Variants in SMARCAD1 observed in about 807,000 individuals in gnomAD.
The protein encoded by SMARCAD1 is SWI/SNF-related matrix-associated actin-dependent regulator of chromatin subfamily A containing DEAD/H box 1.
SMARCAD1 carries 25 observed loss-of-function variants against 127.1 expected under a neutral mutation model. That is an observed-to-expected ratio of 0.20 (90% CI 0.14 to 0.27). SMARCAD1 has a LOEUF of 0.27. Ranked by LOEUF, SMARCAD1 falls within the 10% of genes least tolerant of loss-of-function variation. The pLI is 1.00. For synonymous variants in SMARCAD1, 400 were observed against 396.9 expected, an observed-to-expected ratio of 1.01 and a Z score of -0.09; for missense variants, 807 against 1,206.0, an observed-to-expected ratio of 0.67 and a Z score of 4.90.
At chr4:94,272,684 CTGTTTT>C (rs1056910819) in intron 11 of SMARCAD1, among the ~76,000 whole-genome samples, 2 of 151,868 alleles carry the variant, frequency 1.3e-5, no homozygotes, top group Non-Finnish European at 2.9e-5. Context: ...TTTTTTGTTT[CTGTTTT>C]TGTTTTTTTA....
chr4:94,247,869 G>C (rs887037751), intron 6 of SMARCAD1, among the ~76,000 whole-genome samples: 16 of 151,936 alleles, frequency 1.1e-4, no homozygotes, highest in African/African-American at 3.9e-4. Flanking sequence ...TGTTAGAATT[G>C]GGGTACATGT....
chr4:94,283,095 T>A, intron 21 of SMARCAD1, 26 bp from the exon 22 acceptor site: 1 of 1,588,316 alleles, frequency 6.3e-7, no homozygotes, highest in Non-Finnish European at 8.6e-7. Context: ...TTTAGTGAGA[T>A]TTAACCTAAT....
chr4:94,223,650 T>A (rs1480928117), intron 2 of SMARCAD1, among the ~76,000 whole-genome samples: 3 of 150,466 alleles, frequency 2.0e-5, no homozygotes, highest in Non-Finnish European at 4.4e-5. Context: ...CTCACTGCAG[T>A]CTCTGCCTCC....
At chr4:94,272,764 T>C (rs1341559731) in intron 11 of SMARCAD1, among the ~76,000 whole-genome samples, 1 of 152,132 alleles carries the variant, frequency 6.6e-6, no homozygotes. Flanking sequence ...CTTCTTCTGT[T>C]GGATATGAAT....
chr4:94,226,171 A>G lies in SMARCAD1; in HGVS notation c.243A>G (p.Ser81=), dbSNP rs1345870695. The change falls in exon 3 of 24, where the codon TCA becomes TCG. Residue 81 remains serine, a synonymous_variant. Transcript: ENST00000354268. The part of the protein sequence containing the change: ...TPDNERKASI[S]YFKNQRGIQY... ...ATAATGAAAGAAAAGCAAGTATATC[A>G]TATTTCAAAAATCAAAGAGGAATAC... 4.3e-6 allele frequency: 7 copies of G among 1,612,062 alleles called. No individual in the cohort carries two copies. Among genetic ancestry groups the G allele is most frequent in the South Asian group, 1.1e-5 (1 of 90,984 alleles).
chr4:94,214,273 T>G (rs1216205691), intron 2 of SMARCAD1, among the ~76,000 whole-genome samples: 2 of 151,114 alleles, frequency 1.3e-5, no homozygotes, highest in African/African-American at 4.9e-5. Context: ...TTGTTTTTTT[T>G]TTTTTTTTTG....
chr4:94,287,578 T>C (rs1227099055), intron 23 of SMARCAD1, among the ~76,000 whole-genome samples: 1 of 152,046 alleles, frequency 6.6e-6, no homozygotes, highest in African/African-American at 2.4e-5. Context: ...AAATGCAAAT[T>C]CCCAAGCCCC....
In SMARCAD1 at chr4:94,213,197, A is replaced by G. The variant is rs75021203; in HGVS notation, c.190+4613A>G. ...AAATAGTATGGTGTGATAAAACCAT[A>G]TAATAGGGCAAAATACTAAGCAAAG... On this transcript the variant is annotated intron_variant, in intron 2 of 23. Coordinates refer to ENST00000354268, the MANE Select transcript of SMARCAD1 (RefSeq NM_020159.5). 0.059 allele frequency: 52,486 copies of G among 883,140 alleles called. 1,768 individuals carry two copies. Among genetic ancestry groups the G allele is most frequent in the Non-Finnish European group, 0.073 (47,064 of 645,254 alleles). 54.7% of individuals were successfully genotyped at this position (883,140 alleles called of 1,614,324 possible).
Position 94,264,713 on chromosome 4 carries a change from A to G in SMARCAD1, c.1288A>G (p.Lys430Glu). 6.2e-7 allele frequency: 1 copy of G among 1,611,368 alleles called. No homozygotes were observed. Among genetic ancestry groups the G allele is most frequent in the Non-Finnish European group, 8.5e-7 (1 of 1,178,556 alleles). ...TTTTCTTTTTATGCTATAGTTCACA[A>G]AGATGTCCAAAACTAATGGCTTATC... Reference protein sequence around the residue: ...PFNSWEALFTKMSKTNGLSED... With the variant: ...PFNSWEALFTEMSKTNGLSED... Residue 430 changes from lysine to glutamate, a missense_variant, in exon 10 of 24, where the codon AAG becomes GAG. Coordinates refer to ENST00000354268, the MANE Select transcript of SMARCAD1 (RefSeq NM_020159.5).
chr4:94,279,776 C>G (rs1473311202), intron 19 of SMARCAD1, among the ~76,000 whole-genome samples: 7 of 152,104 alleles, frequency 4.6e-5, no homozygotes, highest in Non-Finnish European at 7.4e-5. Flanking sequence ...TTAGCAATTA[C>G]TCTTTATTTT....
chr4:94,271,019 GTCTT>G (rs1420761576), intron 11 of SMARCAD1, among the ~76,000 whole-genome samples: 3 of 152,022 alleles, frequency 2.0e-5, no homozygotes, highest in Non-Finnish European at 2.9e-5. Flanking sequence ...TAGATTTATT[GTCTT>G]TCTGATTATC....
At chr4:94,270,250 T>TA in intron 10 of SMARCAD1, among the ~76,000 whole-genome samples, 1 of 152,096 alleles carries the variant, frequency 6.6e-6, no homozygotes, top group Non-Finnish European at 1.5e-5. Context: ...GAATTATACA[T>TA]ACCACTGATA....
intron 16 of SMARCAD1, among the ~76,000 whole-genome samples, chr4:94,277,717 T>C (rs904543102): frequency 6.6e-6 from 1 of 152,234 alleles, no homozygotes; most frequent in African/African-American, 2.4e-5. Context: ...CCGCAGTGTT[T>C]ACACTGATTC....
At chr4:94,286,849 A>T (rs973156315) in intron 23 of SMARCAD1, among the ~76,000 whole-genome samples, 6 of 152,206 alleles carry the variant, frequency 3.9e-5, no homozygotes, top group African/African-American at 1.4e-4. Flanking sequence ...TGAAGTGTTT[A>T]GTTATGAAGA....
chr4:94,217,725 A>G (rs1042143678), intron 2 of SMARCAD1, among the ~76,000 whole-genome samples: 6 of 152,222 alleles, frequency 3.9e-5, no homozygotes, highest in Admixed American at 2.0e-4. Context: ...ATTTAATTAT[A>G]TGTCGAATAA....
intron 16 of SMARCAD1, among the ~76,000 whole-genome samples, chr4:94,277,734 C>CTCT (rs1753502633): frequency 6.6e-6 from 1 of 152,198 alleles, no homozygotes; most frequent in South Asian, 2.1e-4. Flanking sequence ...ATTCTTGGCT[C>CTCT]TCTTCCACAT....
At chr4:94,234,560 C>T (rs546884586) in intron 4 of SMARCAD1, among the ~76,000 whole-genome samples, 184 of 152,236 alleles carry the variant, frequency 1.2e-3, no homozygotes, top group Non-Finnish European at 2.3e-3. Context: ...GCCAGTAGCA[C>T]TCTTGCTGAG....
intron 2 of SMARCAD1, among the ~76,000 whole-genome samples, chr4:94,215,354 C>T (rs569543844): frequency 1.6e-4 from 25 of 152,132 alleles, no homozygotes; most frequent in African/African-American, 5.8e-4. Context: ...CACAGTGGCT[C>T]ATGCCTGTAG....
intron 2 of SMARCAD1, among the ~76,000 whole-genome samples, chr4:94,221,153 A>C (rs150762185): frequency 6.6e-6 from 1 of 152,356 alleles, no homozygotes; most frequent in African/African-American, 2.4e-5. Context: ...AGTGTCCATG[A>C]CTGTGAGTTT....
Sources: allele counts gnomAD v4.1 joint callset (sites outside exome capture counted in the v4.1 genomes callset), GRCh38; gene constraint gnomAD v4.1.1; transcripts MANE v1.5; gene names NCBI Gene and HGNC (gene_info 2026-07-23, HGNC 2026-07-21).